SLC2A10: variants seen among roughly 807,000 people sequenced by gnomAD.
SLC2A10 encodes solute carrier family 2 member 10.
Under a neutral mutation model 32.1 loss-of-function variants are expected in SLC2A10, and 25 were observed. The observed-to-expected ratio is 0.78, with a 90% CI of 0.57 to 1.09. The LOEUF (loss-of-function observed/expected upper bound fraction) is 1.09. Ranked by LOEUF, SLC2A10 falls within the 50% of genes least tolerant of loss-of-function variation. The pLI is 0.00. For missense variants in SLC2A10, 673 were observed against 686.5 expected (o/e 0.98, Z 0.22); for synonymous variants, 332 against 309.6 (o/e 1.07, Z -0.76).
intron 4 of SLC2A10, among the ~76,000 whole-genome samples, chr20:46,732,756 A>T (rs546032189): frequency 3.3e-5 from 5 of 150,436 alleles, no homozygotes; most frequent in African/African-American, 1.0e-4. Context: ...CTCTGGCTGA[A>T]TGAATGATGC....
intron 1 of SLC2A10, among the ~76,000 whole-genome samples, chr20:46,710,852 G>A (rs1272620184): frequency 2.0e-5 from 3 of 152,098 alleles, no homozygotes; most frequent in Admixed American, 6.6e-5. Flanking sequence ...AAGCTGGAGC[G>A]GGGCCGTGAC....
chr20:46,717,850 G>A (rs1379598792), intron 1 of SLC2A10, among the ~76,000 whole-genome samples: 1 of 152,178 alleles, frequency 6.6e-6, no homozygotes, highest in African/African-American at 2.4e-5. Context: ...CTAAATGTAG[G>A]TGCCTCTGGG....
At chr20:46,727,844 T>A (rs1446613133) in intron 3 of SLC2A10, among the ~76,000 whole-genome samples, 1 of 152,138 alleles carries the variant, frequency 6.6e-6, no homozygotes, top group East Asian at 1.9e-4. Flanking sequence ...AAGGCACAGT[T>A]CTTAGGGTTC....
intron 4 of SLC2A10, among the ~76,000 whole-genome samples, chr20:46,732,405 C>A (rs1980347146): frequency 6.6e-6 from 1 of 152,124 alleles, no homozygotes; most frequent in Non-Finnish European, 1.5e-5. Flanking sequence ...TGGGGACAGA[C>A]CCATGACCGG....
intron 4 of SLC2A10, among the ~76,000 whole-genome samples, chr20:46,733,403 A>G (rs1174171973): frequency 6.6e-6 from 1 of 152,208 alleles, no homozygotes; most frequent in Non-Finnish European, 1.5e-5. Context: ...ATCACCTCCC[A>G]TCAGGCCCCA....
chr20:46,729,703 G>A (rs1192666493), intron 4 of SLC2A10, among the ~76,000 whole-genome samples: 3 of 131,306 alleles, frequency 2.3e-5, no homozygotes, highest in Non-Finnish European at 4.6e-5. Flanking sequence ...GTGCAGTGGC[G>A]CCATCTCGGC....
rs142547155 is a variant in SLC2A10 at position 46,734,235 on chromosome 20, C to A, written c.*401C>A. On this transcript the variant is annotated 3_prime_UTR_variant, in exon 5 of 5. Coordinates refer to ENST00000359271, the MANE Select transcript of SLC2A10 (RefSeq NM_030777.4). ...ATGAGGATATCATCTTTTCTAATCT[C>A]TTTTTTCAACTGGCTGGGACATTTT... 104 of 230,946 alleles carry A rather than the reference C, an allele frequency of 4.5e-4. No homozygotes were observed. Among genetic ancestry groups the A allele is most frequent in the Admixed American group, 1.9e-3 (36 of 19,220 alleles). 14.3% of individuals were successfully genotyped at this position (230,946 alleles called of 1,614,324 possible).
At chr20:46,727,793 C>T (rs1980058228) in intron 3 of SLC2A10, among the ~76,000 whole-genome samples, 1 of 152,204 alleles carries the variant, frequency 6.6e-6, no homozygotes, top group South Asian at 2.1e-4. Flanking sequence ...GGGTATTGCT[C>T]ATCTGGGCCA....
At position 46,725,909 on chromosome 20, in the gene SLC2A10, G is replaced by A. The variant is rs755197578; in HGVS notation, c.873G>A (p.Val291=). ...VAATLTAMGL[V]DRAGRRALLL... is the part of the protein sequence containing the mutation. ...CTACCCTGACCGCCATGGGGCTGGT[G>A]GACCGTGCAGGCCGCAGGGCTCTGT... is the stretch of plus-strand genomic sequence containing the variant. Residue 291 remains valine (V), a synonymous_variant, in exon 2 of 5, where the codon GTG becomes GTA. Transcript: ENST00000359271. 8.7e-6 allele frequency: 14 copies of A among 1,613,996 alleles called. No individual in the cohort carries two copies. In the Admixed American group the frequency reaches 2.3e-4, roughly 27 times the overall value.
intron 1 of SLC2A10, among the ~76,000 whole-genome samples, chr20:46,715,908 T>C (rs1349233014): frequency 1.3e-5 from 2 of 152,118 alleles, no homozygotes; most frequent in Non-Finnish European, 2.9e-5. Flanking sequence ...CATAGCTCAC[T>C]GTAACCTCAA....
intron 1 of SLC2A10, among the ~76,000 whole-genome samples, chr20:46,722,289 C>A (rs184129325): frequency 8.5e-5 from 13 of 152,194 alleles, no homozygotes; most frequent in Non-Finnish European, 5.9e-5. Context: ...AGCTGAGAGG[C>A]CAAAGAAAGA....
rs766673680 is a variant in SLC2A10 at position 46,725,593 on chromosome 20, C to T, written c.557C>T (p.Pro186Leu). ...CAATCCCTCAGCCTCCTCTTCCTCC[C>T]TGCTGGTACAGATGAGACTGCAACA... The part of the protein sequence containing the change: ...VLQSLSLLFL[P>L]AGTDETATHK... Residue 186 changes from proline to leucine, a missense_variant, in exon 2 of 5, where the codon CCT becomes CTT. Transcript: ENST00000359271. The T allele has an allele frequency of 4.3e-6, 7 of 1,614,104 alleles. No individual in the cohort carries two copies. The highest frequency in any genetic ancestry group is 8.5e-7 in the Non-Finnish European group (1 of 1,180,040).
In SLC2A10 at chr20:46,734,298, T is replaced by C. The variant is rs1980461299; in HGVS notation, c.*464T>C. 4.8e-6 allele frequency: 1 copy of C among 207,598 alleles called. No homozygotes were observed. Among genetic ancestry groups the C allele is most frequent in the African/African-American group, 2.7e-5 (1 of 37,066 alleles). 12.9% of individuals were successfully genotyped at this position (207,598 alleles called of 1,614,324 possible). The stretch of plus-strand genomic sequence containing the variant: ...GTCTCTTTTTTTACTCTTATCATTT[T>C]TTTTTTTTGAGGTGGAGTCTCATTC... On this transcript the variant is annotated 3_prime_UTR_variant, in exon 5 of 5. Transcript: ENST00000359271.
chr20:46,727,960 C>G (rs1057432424), intron 3 of SLC2A10, among the ~76,000 whole-genome samples: 2 of 152,248 alleles, frequency 1.3e-5, no homozygotes, highest in Middle Eastern at 3.4e-3. Context: ...AAGAACCCCC[C>G]CTATCATGGC....
chr20:46,725,746 G>A lies in SLC2A10; in HGVS notation c.710G>A (p.Gly237Glu). 6.2e-7 allele frequency: 1 copy of A among 1,614,198 alleles called. No individual in the cohort carries two copies. Among genetic ancestry groups the A allele is most frequent in the Non-Finnish European group, 8.5e-7 (1 of 1,180,032 alleles). ...CGAGGCCGGACCACAGTGGGCCTGG[G>A]GCTGGTGCTCTTCCAGCAACTAACA... ...NMRGRTTVGL[G>E]LVLFQQLTGQ... The change falls in exon 2 of 5, where the codon GGG becomes GAG. Residue 237 changes from glycine (G) to glutamate (E), a missense_variant. Physicochemically the swap from Gly to Glu is moderately conservative, Grantham distance 98. Transcript: ENST00000359271.
At chr20:46,709,645 G>T, upstream of SLC2A10, 1 of 1,474,538 alleles carries the variant, frequency 6.8e-7, no homozygotes, top group South Asian at 1.3e-5. Context: ...GGGCCGGAAA[G>T]TTTGTCCGGC....
intron 2 of SLC2A10, 76 bp downstream of exon 2, chr20:46,726,400 T>G: frequency 6.4e-7 from 1 of 1,562,056 alleles, no homozygotes; most frequent in South Asian, 1.2e-5. Context: ...CTTCCCACCC[T>G]GATGACCTGG....
At chr20:46,728,841 T>A (rs1201957228) in intron 3 of SLC2A10, among the ~76,000 whole-genome samples, 1 of 151,978 alleles carries the variant, frequency 6.6e-6, no homozygotes, top group African/African-American at 2.4e-5. Flanking sequence ...CCCAGGCTGG[T>A]CTTGAACTCC....
intron 1 of SLC2A10, among the ~76,000 whole-genome samples, chr20:46,718,957 T>G (rs560056208): frequency 2.6e-5 from 4 of 152,058 alleles, no homozygotes; most frequent in African/African-American, 9.6e-5. Flanking sequence ...TAAAGAAAAT[T>G]TTTCTGTAGA....
Sources: allele counts gnomAD v4.1 joint callset (sites outside exome capture counted in the v4.1 genomes callset), GRCh38; gene constraint gnomAD v4.1.1; transcripts MANE v1.5; gene names NCBI Gene and HGNC (gene_info 2026-07-23, HGNC 2026-07-21).